The following NRG1 variants were observed in gnomAD, a reference collection of about 807,000 sequenced individuals.
NRG1 encodes pro-neuregulin-1, membrane-bound isoform.
Under a neutral mutation model 63.8 loss-of-function variants are expected in NRG1, and 18 were observed. The ratio of observed to expected loss-of-function variants is 0.28; its 90% confidence interval spans 0.19 to 0.42. NRG1 has a LOEUF of 0.42. Ranked by LOEUF, NRG1 falls within the 10% of genes least tolerant of loss-of-function variation. NRG1 has a pLI of 1.00. For missense variants in NRG1, 762 were observed against 814.7 expected (o/e 0.94, Z 0.79); for synonymous variants, 302 against 301.3 (o/e 1.00, Z -0.02).
chr8:31,928,436 T>C (rs1022442679), intron 1 of NRG1, among the ~76,000 whole-genome samples: 3 of 147,280 alleles, frequency 2.0e-5, no homozygotes, highest in East Asian at 2.0e-4. Context: ...GAAAACAATA[T>C]GGGGATTTCT....
chr8:32,221,352 G>C (rs1264322456), intron 1 of NRG1, among the ~76,000 whole-genome samples: 1 of 152,064 alleles, frequency 6.6e-6, no homozygotes, highest in African/African-American at 2.4e-5. Flanking sequence ...GACCCGCTTC[G>C]TTTTCCCTCT....
At chr8:31,834,458 G>T (rs959099982) in intron 1 of NRG1, among the ~76,000 whole-genome samples, 1 of 152,190 alleles carries the variant, frequency 6.6e-6, no homozygotes, top group African/African-American at 2.4e-5. Flanking sequence ...TGTAATCTCA[G>T]CAGTTTGGGA....
At chr8:31,710,377 G>A (rs1410397382) in intron 1 of NRG1, among the ~76,000 whole-genome samples, 1 of 151,762 alleles carries the variant, frequency 6.6e-6, no homozygotes, top group African/African-American at 2.4e-5. Flanking sequence ...AAAGAAGATA[G>A]GTCTTTTTAT....
chr8:32,456,672 C>T (rs745662187), intron 1 of NRG1, among the ~76,000 whole-genome samples: 1 of 152,176 alleles, frequency 6.6e-6, no homozygotes, highest in Non-Finnish European at 1.5e-5. Flanking sequence ...GCATTATCAA[C>T]TATTTATGCT....
At chr8:31,987,251 G>C (rs1414138139) in intron 1 of NRG1, among the ~76,000 whole-genome samples, 1 of 147,934 alleles carries the variant, frequency 6.8e-6, no homozygotes, top group African/African-American at 2.5e-5. Flanking sequence ...AGTGAGGTGA[G>C]ATCACGCCAC....
chr8:32,483,637 C>A (rs1490326962), intron 1 of NRG1, among the ~76,000 whole-genome samples: 1 of 152,174 alleles, frequency 6.6e-6, no homozygotes, highest in Non-Finnish European at 1.5e-5. Flanking sequence ...AAGGCAATGT[C>A]GGAGGCTAGG....
At chr8:31,901,942 A>G (rs1177075398) in intron 1 of NRG1, among the ~76,000 whole-genome samples, 1 of 152,194 alleles carries the variant, frequency 6.6e-6, no homozygotes, top group South Asian at 2.1e-4. Context: ...ACTCCATGAA[A>G]CGGAACTTAT....
chr8:31,706,095 T>C (rs958713115), intron 1 of NRG1, among the ~76,000 whole-genome samples: 3 of 152,210 alleles, frequency 2.0e-5, no homozygotes, highest in Non-Finnish European at 4.4e-5. Context: ...ATTCGTATGG[T>C]TCAAAAATCT....
At chr8:32,059,195 A>G (rs768164257) in intron 1 of NRG1, among the ~76,000 whole-genome samples, 2 of 151,922 alleles carry the variant, frequency 1.3e-5, no homozygotes, top group Non-Finnish European at 2.9e-5. Context: ...CATTTCTTTT[A>G]TGTATTCTAT....
intron 1 of NRG1, among the ~76,000 whole-genome samples, chr8:32,223,076 A>G (rs929945821): frequency 2.0e-5 from 3 of 152,244 alleles, no homozygotes; most frequent in Non-Finnish European, 2.9e-5. Context: ...AAAAAATACA[A>G]CAAAATAGCA....
At chr8:32,656,449 AG>A (rs1417905328) in intron 5 of NRG1, among the ~76,000 whole-genome samples, 1 of 152,216 alleles carries the variant, frequency 6.6e-6, no homozygotes, top group Admixed American at 6.5e-5. Flanking sequence ...AAAGGGAAGA[AG>A]CCAGTGCTGT....
At chr8:32,508,898 A>G (rs2129499566) in intron 1 of NRG1, among the ~76,000 whole-genome samples, 1 of 151,542 alleles carries the variant, frequency 6.6e-6, no homozygotes, top group African/African-American at 2.4e-5. Flanking sequence ...CCATGCCCAA[A>G]TAATTTTTAT....
intron 4 of NRG1, among the ~76,000 whole-genome samples, chr8:32,615,859 A>C (rs1011112037): frequency 1.4e-5 from 2 of 145,660 alleles, no homozygotes; most frequent in African/African-American, 5.1e-5. Flanking sequence ...GGAAGGAAAA[A>C]AGAGGAAAAG....
chr8:32,556,881 AAGG>A (rs1759549054), intron 1 of NRG1, among the ~76,000 whole-genome samples: 1 of 152,240 alleles, frequency 6.6e-6, no homozygotes, highest in South Asian at 2.1e-4. Context: ...CAGCCTTTAC[AAGG>A]AGATGTCAAA....
At chr8:32,195,227 G>A (rs1030990628) in intron 1 of NRG1, among the ~76,000 whole-genome samples, 1 of 151,864 alleles carries the variant, frequency 6.6e-6, no homozygotes, top group Non-Finnish European at 1.5e-5. Context: ...TGAACCCAGG[G>A]GTTTGAGACC....
intron 1 of NRG1, among the ~76,000 whole-genome samples, chr8:32,519,122 T>C (rs1830100102): frequency 6.6e-6 from 1 of 152,194 alleles, no homozygotes; most frequent in Admixed American, 6.5e-5. Context: ...ACTTAAATAC[T>C]GTTGAAAGTT....
At chr8:32,261,004 T>G (rs1054992862) in intron 1 of NRG1, among the ~76,000 whole-genome samples, 1 of 152,186 alleles carries the variant, frequency 6.6e-6, no homozygotes. Context: ...AATAAACACT[T>G]TAATAGTTTT....
intron 1 of NRG1, among the ~76,000 whole-genome samples, chr8:32,058,730 A>G (rs745768785): frequency 7.9e-5 from 12 of 151,900 alleles, no homozygotes; most frequent in Non-Finnish European, 1.0e-4. Context: ...TTCTCCTTCT[A>G]TTTATATAAC....
intron 1 of NRG1, among the ~76,000 whole-genome samples, chr8:31,950,581 G>A (rs1230513127): frequency 6.6e-6 from 1 of 152,192 alleles, no homozygotes; most frequent in African/African-American, 2.4e-5. Flanking sequence ...AATAAGCCAA[G>A]TTAAGCTACA....
Sources: allele counts gnomAD v4.1 joint callset (sites outside exome capture counted in the v4.1 genomes callset), GRCh38; gene constraint gnomAD v4.1.1; transcripts MANE v1.5; gene names NCBI Gene and HGNC (gene_info 2026-07-23, HGNC 2026-07-21).